Variants in VAT1L observed in about 807,000 individuals in gnomAD.
VAT1L encodes the protein vesicle amine transport 1 like.
Under a neutral mutation model 44.1 loss-of-function variants are expected in VAT1L, and 34 were observed. The ratio of observed to expected loss-of-function variants is 0.77; its 90% CI spans 0.59 to 1.03. The LOEUF (loss-of-function observed/expected upper bound fraction) is 1.03. Ranked by LOEUF, VAT1L falls within the 50% of genes least tolerant of loss-of-function variation. The pLI, the probability that VAT1L is intolerant of heterozygous loss-of-function variation, is 0.00. For synonymous variants in VAT1L, 253 were observed against 202.2 expected (o/e 1.25, Z -2.13); for missense variants, 615 against 538.8 (o/e 1.14, Z -1.40).
rs117503395 is a variant in VAT1L at position 77,923,178 on chromosome 16, C to T, written c.1077+38376C>T. ...TAAAAGGAATAACTTTGGCTGGGCGCAGTGGCTCACGCCTGTAATTGCAGC... is the reference window on the plus strand; with the variant it reads ...TAAAAGGAATAACTTTGGCTGGGCGTAGTGGCTCACGCCTGTAATTGCAGC... On this transcript the variant is annotated intron_variant, in intron 7 of 8. Coordinates refer to ENST00000302536, the MANE Select transcript of VAT1L (RefSeq NM_020927.3). Among the ~76,000 whole-genome samples the T allele has an allele frequency of 8.8e-3, 1,337 of 152,260 alleles. 9 individuals are homozygous for T. Among genetic ancestry groups the T allele is most frequent in the Non-Finnish European group, 0.015 (1,001 of 68,016 alleles).
intron 3 of VAT1L, among the ~76,000 whole-genome samples, chr16:77,855,878 C>T (rs146595269): frequency 6.6e-6 from 1 of 152,246 alleles, no homozygotes; most frequent in East Asian, 1.9e-4. Context: ...ATTAGCCGGG[C>T]ATGGTGGCGG....
chr16:77,833,818 G>T (rs2016609294), intron 3 of VAT1L, among the ~76,000 whole-genome samples: 1 of 151,248 alleles, frequency 6.6e-6, no homozygotes, highest in South Asian at 2.1e-4. Flanking sequence ...GGTGAGGGGG[G>T]CTTCATTAGA....
In VAT1L at chr16:77,879,511, A is replaced by G. The variant is rs1278577394; in HGVS notation, c.882+287A>G. ...TCACCGTGTTGGCCAGGATGGTCTC[A>G]ATCTGACCTCGTGATCTGCCCGCCT... is the stretch of plus-strand genomic sequence containing the variant. On this transcript the variant is annotated intron_variant, in intron 6 of 8. Transcript: ENST00000302536. The surrounding 1 kb of genome is among the most constrained non-coding windows in gnomAD (Gnocchi z 4.1). Among the ~76,000 whole-genome samples the G allele has an allele frequency of 6.6e-6, 1 of 152,050 alleles. No homozygotes were observed. The highest frequency in any genetic ancestry group is 1.5e-5 in the Non-Finnish European group (1 of 68,008).
chr16:77,789,172 A>T (rs1336265135), intron 1 of VAT1L, among the ~76,000 whole-genome samples: 2 of 151,992 alleles, frequency 1.3e-5, no homozygotes, highest in African/African-American at 4.8e-5. Context: ...GCGCCCAGGC[A>T]CCCCGGGTCT....
At chr16:77,824,553 A>T (rs1385957749) in intron 2 of VAT1L, among the ~76,000 whole-genome samples, 2 of 152,018 alleles carry the variant, frequency 1.3e-5, no homozygotes, top group East Asian at 3.9e-4. Context: ...CAGGAGATCG[A>T]GACCATCCTG....
chr16:77,875,009 T>C (rs1269433466), intron 4 of VAT1L, among the ~76,000 whole-genome samples: 1 of 152,214 alleles, frequency 6.6e-6, no homozygotes, highest in African/African-American at 2.4e-5. Context: ...AGGATTGCAA[T>C]CTTTGTTTTA....
At chr16:77,904,632 A>T (rs982674403) in intron 7 of VAT1L, among the ~76,000 whole-genome samples, 3 of 152,174 alleles carry the variant, frequency 2.0e-5, no homozygotes, top group African/African-American at 7.2e-5. Context: ...TAACCATTGC[A>T]TTGGGGTTCA....
chr16:77,904,684 T>C (rs921170617), intron 7 of VAT1L, among the ~76,000 whole-genome samples: 5 of 152,246 alleles, frequency 3.3e-5, no homozygotes, highest in African/African-American at 1.2e-4. Flanking sequence ...GTTCAATCTA[T>C]AACACTTCCT....
At chr16:77,880,351 G>C (rs1028612040) in intron 6 of VAT1L, among the ~76,000 whole-genome samples, 3 of 151,992 alleles carry the variant, frequency 2.0e-5, no homozygotes, top group Non-Finnish European at 4.4e-5. Context: ...GTAGAGACAA[G>C]GTTTCACCCT....
At chr16:77,887,699 G>T (rs191229460) in intron 7 of VAT1L, among the ~76,000 whole-genome samples, 1 of 152,304 alleles carries the variant, frequency 6.6e-6, no homozygotes, top group Non-Finnish European at 1.5e-5. Flanking sequence ...GAAAGCCAAG[G>T]CTGGCAGCGT....
At chr16:77,853,404 C>T (rs990427192) in intron 3 of VAT1L, among the ~76,000 whole-genome samples, 1 of 152,186 alleles carries the variant, frequency 6.6e-6, no homozygotes, top group Non-Finnish European at 1.5e-5. Flanking sequence ...CAGTGGATCT[C>T]AGCGCCGTCA....
intron 3 of VAT1L, among the ~76,000 whole-genome samples, chr16:77,826,153 G>A (rs565015858): frequency 0.012 from 1,825 of 149,498 alleles, 30 homozygotes; most frequent in African/African-American, 0.042. Flanking sequence ...CTTGCAGTGA[G>A]CCGAGATCCC....
At chr16:77,790,462 A>G (rs2015813459) in intron 1 of VAT1L, among the ~76,000 whole-genome samples, 2 of 152,162 alleles carry the variant, frequency 1.3e-5, no homozygotes, top group Non-Finnish European at 2.9e-5. Context: ...TTATCGCTGA[A>G]TGAATGGATT....
At chr16:77,858,296 A>G (rs953557467) in intron 3 of VAT1L, among the ~76,000 whole-genome samples, 1 of 152,228 alleles carries the variant, frequency 6.6e-6, no homozygotes, top group African/African-American at 2.4e-5. Flanking sequence ...TGATTGGAAG[A>G]AGAAAGAGGA....
intron 1 of VAT1L, among the ~76,000 whole-genome samples, chr16:77,806,950 C>G (rs1432531491): frequency 6.6e-6 from 1 of 152,122 alleles, no homozygotes; most frequent in African/African-American, 2.4e-5. Context: ...AAGAGGCACG[C>G]CCATTCCTAA....
Position 77,879,268 on chromosome 16 carries a change from T to G in VAT1L, c.882+44T>G, listed in dbSNP as rs200562173. ...CTGATGTACTGTGGTGGCATGTTGA[T>G]TCACATGTTGAGAGCTTTGTTTTTG... On this transcript the variant is annotated intron_variant, in intron 6 of 8. Transcript: ENST00000302536. This position sits in a 1 kb window ranked among gnomAD's most constrained non-coding sequence, Gnocchi z 4.1. 6,137 of 1,588,930 alleles carry G rather than the reference T, an allele frequency of 3.9e-3. 35 individuals are homozygous for G. The highest frequency in any genetic ancestry group is 8.2e-3 in the South Asian group (741 of 90,222).
intron 5 of VAT1L, among the ~76,000 whole-genome samples, chr16:77,876,894 G>T (rs1030496063): frequency 1.3e-5 from 2 of 152,168 alleles, no homozygotes; most frequent in African/African-American, 4.8e-5. Context: ...TATTTGAGAA[G>T]TTGCAAAGTA....
chr16:77,950,074 T>C (rs192956410), intron 7 of VAT1L, among the ~76,000 whole-genome samples: 76 of 152,304 alleles, frequency 5.0e-4, no homozygotes, highest in Middle Eastern at 6.8e-3. Flanking sequence ...TAATAACTTA[T>C]TATCCAATGA....
intron 3 of VAT1L, among the ~76,000 whole-genome samples, chr16:77,848,185 A>C (rs2145265508): frequency 6.6e-6 from 1 of 152,292 alleles, no homozygotes; most frequent in East Asian, 1.9e-4. Context: ...GCATATTCTA[A>C]ATAAGACCTT....
Sources: gnomAD v4.1 joint callset for allele counts (sites outside exome capture counted in the v4.1 genomes callset) on GRCh38, gnomAD v4.1.1 for gene constraint, Gnocchi (gnomAD v3.1) non-coding constraint, MANE v1.5 for transcripts, NCBI Gene and HGNC (gene_info 2026-07-23, HGNC 2026-07-21) for gene names.